The following HACD4 variants were observed in gnomAD, a reference collection of about 807,000 sequenced individuals.
The protein encoded by HACD4 is 3-hydroxyacyl-CoA dehydratase 4.
A neutral mutation model predicts 33.3 loss-of-function variants in HACD4; 35 were observed. The ratio of observed to expected loss-of-function variants is 1.05; its 90% confidence interval spans 0.80 to 1.39. The LOEUF (loss-of-function observed/expected upper bound fraction) is 1.39, where lower values mean the gene tolerates loss of function less well. Among genes scored for constraint, HACD4 ranks in the 40% most tolerant of loss-of-function variants. The pLI is 0.00. For synonymous variants in HACD4, 118 were observed against 98.0 expected (o/e 1.20, Z -1.21); for missense variants, 323 against 276.5 (o/e 1.17, Z -1.19).
chr9:21,009,752 C>CA (rs550135850), intron 5 of HACD4, among the ~76,000 whole-genome samples: 324 of 152,248 alleles, frequency 2.1e-3, no homozygotes, highest in African/African-American at 5.9e-3. Context: ...CACTAGATCT[C>CA]AAAAATGTAT....
Position 21,011,655 on chromosome 9 carries a change from C to T in HACD4, c.424G>A (p.Ala142Thr), listed in dbSNP as rs753094615. The T allele has an allele frequency of 1.4e-5, 22 of 1,610,402 alleles. No individual in the cohort carries two copies. In the African/African-American group the frequency reaches 2.5e-4, roughly 19 times the overall value. The change falls in exon 5 of 7, where the codon GCT (alanine) becomes ACT (threonine). Residue 142 changes from alanine (A) to threonine (T), a missense_variant. Transcript: ENST00000495827. ...GTTTGACTGAGCCATGTCAAGACAG[C>T]ATAGGATATTCCTATGACTGATAAC... Reference protein sequence around the residue: ...SMLSVIGISYAVLTWLSQTLW... With the variant: ...SMLSVIGISYTVLTWLSQTLW...
Position 21,010,441 on chromosome 9 carries a change from C to G in HACD4, c.490+1148G>C, listed in dbSNP as rs539987888. Among the ~76,000 whole-genome samples, 146 of 119,146 alleles carry G rather than the reference C, an allele frequency of 1.2e-3. 1 individual carries two copies. The highest frequency in any genetic ancestry group is 4.3e-3 in the African/African-American group (143 of 33,518). The allele number at this position is 119,146 out of a possible 152,430, so 78.2% of individuals were successfully genotyped here. ...GAGAGGAAGGAAGCAAAGAAACAGA[C>G]TCAGACATCCTGGTACCCCCCCCCC... is the stretch of plus-strand genomic sequence containing the variant. On this transcript the variant is annotated intron_variant, in intron 5 of 6. Transcript: ENST00000495827.
rs138389688 is a variant in HACD4 at position 21,003,901 on chromosome 9, T to C, written c.*3136A>G. 1 of 152,332 alleles carries C rather than the reference T, an allele frequency of 6.6e-6. No individual in the cohort carries two copies. The highest frequency in any genetic ancestry group is 2.4e-5 in the African/African-American group (1 of 41,582). 9.4% of individuals were successfully genotyped at this position (152,332 alleles called of 1,614,324 possible). ...CCTTTTTAAAAAGTACTTAGTATATTTTTATACCTTTTATCTTCCTGTATG... is the reference window on the plus strand; with the variant it reads ...CCTTTTTAAAAAGTACTTAGTATATCTTTATACCTTTTATCTTCCTGTATG... On this transcript the variant is annotated 3_prime_UTR_variant, in exon 7 of 7. Transcript: ENST00000495827.
chr9:21,016,717 G>A (rs1000322515), intron 3 of HACD4, among the ~76,000 whole-genome samples: 1 of 126,572 alleles, frequency 7.9e-6, no homozygotes, highest in Admixed American at 7.5e-5. Flanking sequence ...TTTGGAGGTG[G>A]GTTGTGAAGG....
At chr9:21,024,878 C>T (rs182902323) in intron 3 of HACD4, among the ~76,000 whole-genome samples, 1 of 152,192 alleles carries the variant, frequency 6.6e-6, no homozygotes, top group East Asian at 1.9e-4. Context: ...CAAGCAAAAT[C>T]ATTCCAGATG....
At chr9:21,023,437 C>CA (rs1817978971) in intron 3 of HACD4, among the ~76,000 whole-genome samples, 1 of 152,130 alleles carries the variant, frequency 6.6e-6, no homozygotes, top group Non-Finnish European at 1.5e-5. Context: ...CCCCTGTGGA[C>CA]ACACCACCAC....
rs532321434 is a variant in HACD4 at position 21,030,917 on chromosome 9, T to C, written c.38+636A>G. ...TTCAGAAGAGTGACGGGAGTGGCCC[T>C]GCCAGTGTGGTCAAGATTTACTCCT... On this transcript the variant is annotated intron_variant, in intron 1 of 6. Transcript: ENST00000495827. Among the ~76,000 whole-genome samples the C allele has an allele frequency of 2.0e-5, 3 of 152,306 alleles. No homozygotes were observed. The East Asian group carries it at 5.8e-4, about 29-fold the overall frequency.
Position 21,018,062 on chromosome 9 carries a change from G to A in HACD4, c.271-2052C>T, listed in dbSNP as rs565123402. Among the ~76,000 whole-genome samples, 27 of 152,238 alleles carry A rather than the reference G, an allele frequency of 1.8e-4. 1 individual carries two copies. In the South Asian group the frequency reaches 4.4e-3, roughly 25 times the overall value. ...ACCAAACCACAACACACATACACAC[G>A]AGTGAAGACTCCCTCTATATTCGGT... On this transcript the variant is annotated intron_variant, in intron 3 of 6. Transcript: ENST00000495827.
rs1489149444 is a variant in HACD4 at position 21,006,776 on chromosome 9, A to G, written c.*261T>C. On this transcript the variant is annotated 3_prime_UTR_variant, in exon 7 of 7. Coordinates refer to ENST00000495827, the MANE Select transcript of HACD4 (RefSeq NM_001010915.5). The surrounding 1 kb of genome is among the most constrained non-coding windows in gnomAD (Gnocchi z 4.6). ...CAGGAAAATAATCAGACTTCATACA[A>G]TGTAAGTATAACTTGTATAAAATCC... 20 of 410,730 alleles carry G rather than the reference A, an allele frequency of 4.9e-5. No homozygotes were observed. The highest frequency in any genetic ancestry group is 8.4e-5 in the Admixed American group (2 of 23,858). 25.4% of individuals were successfully genotyped at this position (410,730 alleles called of 1,614,324 possible). A position where few individuals can be genotyped will look rare whatever the true frequency, so the allele number is the denominator to read the frequency against.
intron 3 of HACD4, among the ~76,000 whole-genome samples, chr9:21,020,719 A>T (rs553329322): frequency 6.6e-6 from 1 of 152,320 alleles, no homozygotes; most frequent in African/African-American, 2.4e-5. Flanking sequence ...TTTGAAAAGT[A>T]AAAGTATCAA....
intron 1 of HACD4, 34 bp from the exon 2 acceptor site, chr9:21,029,432 T>A: frequency 7.7e-7 from 1 of 1,298,186 alleles, no homozygotes; most frequent in East Asian, 2.3e-5. Context: ...TAAACACTTC[T>A]TTTATAATCA....
At chr9:21,015,002 T>C (rs1842522503) in intron 4 of HACD4, 1 of 152,172 alleles carries the variant, frequency 6.6e-6, no homozygotes, top group Admixed American at 6.6e-5. Context: ...AGTTATGGGC[T>C]ACAAAAGTCC....
At chr9:21,021,719 G>A (rs957867114) in intron 3 of HACD4, among the ~76,000 whole-genome samples, 31 of 152,106 alleles carry the variant, frequency 2.0e-4, no homozygotes, top group Non-Finnish European at 3.5e-4. Context: ...ACTGCTCAAC[G>A]AAATAAAAGA....
At chr9:21,009,875 T>C (rs1842370114) in intron 5 of HACD4, among the ~76,000 whole-genome samples, 1 of 152,214 alleles carries the variant, frequency 6.6e-6, no homozygotes, top group Admixed American at 6.5e-5. Context: ...AATGAGAGGT[T>C]ACTTGATTCT....
chr9:21,017,333 T>G (rs1487085270), intron 3 of HACD4, among the ~76,000 whole-genome samples: 1 of 152,182 alleles, frequency 6.6e-6, no homozygotes, highest in Non-Finnish European at 1.5e-5. Context: ...GGTCTATGTT[T>G]GGCTAAGGGG....
At chr9:21,029,114 C>T (rs1352074523) in intron 2 of HACD4, among the ~76,000 whole-genome samples, 181 bp downstream of exon 2, 2 of 152,152 alleles carry the variant, frequency 1.3e-5, no homozygotes. Context: ...AATCCCTTTC[C>T]CTTACTTATC....
intron 3 of HACD4, among the ~76,000 whole-genome samples, chr9:21,022,180 T>TAGAA (rs1817931238): frequency 2.7e-5 from 4 of 150,392 alleles, no homozygotes; most frequent in Admixed American, 6.6e-5. Flanking sequence ...TAGCCATATG[T>TAGAA]AGCTGAAACT....
At chr9:21,012,450 A>G (rs1842458760) in intron 4 of HACD4, among the ~76,000 whole-genome samples, 1 of 152,240 alleles carries the variant, frequency 6.6e-6, no homozygotes, top group Non-Finnish European at 1.5e-5. Context: ...TAGACAGACA[A>G]TAAATACATA....
intron 3 of HACD4, among the ~76,000 whole-genome samples, chr9:21,020,957 G>C (rs1272250453): frequency 6.6e-6 from 1 of 151,850 alleles, no homozygotes; most frequent in Non-Finnish European, 1.5e-5. Context: ...TCAAAATAAA[G>C]ATGTGCATGT....
Sources: gnomAD v4.1 joint callset for allele counts (sites outside exome capture counted in the v4.1 genomes callset) on GRCh38, gnomAD v4.1.1 for gene constraint, Gnocchi (gnomAD v3.1) non-coding constraint, MANE v1.5 for transcripts, NCBI Gene and HGNC (gene_info 2026-07-23, HGNC 2026-07-21) for gene names.